Variants in VPS13B observed in about 807,000 individuals in gnomAD.
The protein encoded by VPS13B is vacuolar protein sorting 13 homolog B, also known as intermembrane lipid transfer protein VPS13B.
In VPS13B, 285 loss-of-function variants were observed where a neutral mutation model predicts 426.4. The observed-to-expected ratio is 0.67, with a 90% CI of 0.61 to 0.74. The LOEUF (loss-of-function observed/expected upper bound fraction) is 0.74, where lower values mean the gene tolerates loss of function less well. VPS13B is among the 30% of genes least tolerant of loss of function. The pLI is 0.00. For synonymous variants in VPS13B, 1,676 were observed against 1,676.4 expected (o/e 1.00, Z 0.01); for missense variants, 4,537 against 4,782.6 (o/e 0.95, Z 1.51).
chr8:99,135,448 C>A, intron 10 of VPS13B, 148 bp from the exon 11 acceptor site: 1 of 1,101,156 alleles, frequency 9.1e-7, no homozygotes, highest in Non-Finnish European at 1.3e-6. Flanking sequence ...GCAAAATAGT[C>A]AATGAAGGTG....
chr8:99,198,090 T>C (rs1354410730), intron 17 of VPS13B, among the ~76,000 whole-genome samples: 1 of 152,164 alleles, frequency 6.6e-6, no homozygotes, highest in Non-Finnish European at 1.5e-5. Context: ...AACGTTTTAA[T>C]TTGATGATTA....
intron 17 of VPS13B, among the ~76,000 whole-genome samples, chr8:99,269,098 A>T (rs899824519): frequency 1.3e-5 from 2 of 152,182 alleles, no homozygotes; most frequent in Non-Finnish European, 2.9e-5. Context: ...TCCCAGCCAC[A>T]TGGAACTGTG....
At chr8:99,631,015 T>G (rs1350443033) in intron 33 of VPS13B, among the ~76,000 whole-genome samples, 1 of 152,140 alleles carries the variant, frequency 6.6e-6, no homozygotes, top group Non-Finnish European at 1.5e-5. Flanking sequence ...GGTGATGTTT[T>G]TGGTAAAAGA....
chr8:99,379,519 A>G (rs999141959), intron 19 of VPS13B, among the ~76,000 whole-genome samples: 1 of 151,970 alleles, frequency 6.6e-6, no homozygotes, highest in Non-Finnish European at 1.5e-5. Context: ...TTATTTATTG[A>G]CTTCTTACTG....
At chr8:99,203,035 C>A (rs1405488908) in intron 17 of VPS13B, among the ~76,000 whole-genome samples, 1 of 101,520 alleles carries the variant, frequency 9.9e-6, no homozygotes. Flanking sequence ...GGCGACGGAG[C>A]GAGACTGTCT....
At chr8:99,570,509 A>G (rs143673210) in intron 31 of VPS13B, among the ~76,000 whole-genome samples, 2,772 of 151,806 alleles carry the variant, frequency 0.018, 51 homozygotes, top group Non-Finnish European at 0.028. Context: ...ATTTTTGGAA[A>G]TTCTCTTTGG....
chr8:99,737,039 T>C (rs921665843), intron 39 of VPS13B, among the ~76,000 whole-genome samples: 4 of 151,226 alleles, frequency 2.6e-5, no homozygotes, highest in African/African-American at 7.3e-5. Flanking sequence ...TATATACTTG[T>C]AGTTTAATGA....
intron 17 of VPS13B, among the ~76,000 whole-genome samples, chr8:99,207,167 A>C (rs1028615508): frequency 2.0e-5 from 3 of 152,148 alleles, no homozygotes; most frequent in Non-Finnish European, 4.4e-5. Context: ...CATTTATAGA[A>C]TATGTGGTCA....
intron 21 of VPS13B, among the ~76,000 whole-genome samples, chr8:99,405,819 C>T (rs1027330744): frequency 1.3e-5 from 2 of 151,126 alleles, no homozygotes; most frequent in East Asian, 1.9e-4. Flanking sequence ...TGCTCTGTCG[C>T]CCAGGCTGGA....
At chr8:99,399,968 A>G (rs1259571810) in intron 21 of VPS13B, among the ~76,000 whole-genome samples, 1 of 152,140 alleles carries the variant, frequency 6.6e-6, no homozygotes, top group African/African-American at 2.4e-5. Context: ...ATTTTTAAAA[A>G]ATTCTTGGTC....
At chr8:99,768,927 G>T (rs923063160) in intron 40 of VPS13B, among the ~76,000 whole-genome samples, 1 of 152,154 alleles carries the variant, frequency 6.6e-6, no homozygotes, top group Non-Finnish European at 1.5e-5. Flanking sequence ...TTCATTAATA[G>T]TATCAAGTTA....
chr8:99,189,237 C>T (rs1332936208), intron 16 of VPS13B, among the ~76,000 whole-genome samples: 1 of 152,216 alleles, frequency 6.6e-6, no homozygotes, highest in Non-Finnish European at 1.5e-5. Flanking sequence ...GCGTGAGCCA[C>T]CGCGCCCGGC....
intron 3 of VPS13B, among the ~76,000 whole-genome samples, chr8:99,094,892 A>T (rs1846340967): frequency 6.6e-6 from 1 of 152,056 alleles, no homozygotes; most frequent in Non-Finnish European, 1.5e-5. Flanking sequence ...ACTCTCAGCT[A>T]CCCTTTGTGT....
At chr8:99,623,698 T>C (rs1471410241) in intron 33 of VPS13B, among the ~76,000 whole-genome samples, 1 of 152,242 alleles carries the variant, frequency 6.6e-6, no homozygotes, top group Non-Finnish European at 1.5e-5. Flanking sequence ...GTGGTAGAAG[T>C]GGGAGATAAT....
chr8:99,095,492 A>C (rs998554060), intron 3 of VPS13B, among the ~76,000 whole-genome samples: 3 of 152,042 alleles, frequency 2.0e-5, no homozygotes, highest in Admixed American at 2.0e-4. Flanking sequence ...AAACAGAATG[A>C]CTCTTTTTAT....
chr8:99,337,239 C>T (rs1810951852), intron 19 of VPS13B, among the ~76,000 whole-genome samples: 1 of 151,814 alleles, frequency 6.6e-6, no homozygotes, highest in African/African-American at 2.4e-5. Context: ...TGGAAATCAT[C>T]ATTCTCAGTG....
At chr8:99,741,194 C>A (rs1375199482) in intron 39 of VPS13B, among the ~76,000 whole-genome samples, 2 of 152,144 alleles carry the variant, frequency 1.3e-5, no homozygotes, top group African/African-American at 2.4e-5. Context: ...ATAAAACAGA[C>A]TTTAAACCAA....
chr8:99,358,034 A>ACACC (rs1554751586), intron 19 of VPS13B, among the ~76,000 whole-genome samples: 1 of 148,314 alleles, frequency 6.7e-6, no homozygotes, highest in Non-Finnish European at 1.5e-5. Context: ...ACACACACAC[A>ACACC]CCACACACAC....
rs74935456 is a variant in VPS13B at position 99,756,302 on chromosome 8, A to C, written c.7051-10472A>C. On this transcript the variant is annotated intron_variant, in intron 39 of 61. Transcript: ENST00000357162. ...AAGTTAGGTTGTTTTGAGATTATTG[A>C]GTCTGAAGAACAGAAAATTTTAAAA... Among the ~76,000 whole-genome samples, 1,036 of 152,306 alleles carry C rather than the reference A, an allele frequency of 6.8e-3. 10 individuals are homozygous for C. The highest frequency in any genetic ancestry group is 0.024 in the African/African-American group (1,003 of 41,568).
Sources: allele counts gnomAD v4.1 joint callset (sites outside exome capture counted in the v4.1 genomes callset), GRCh38; gene constraint gnomAD v4.1.1; transcripts MANE v1.5; gene names NCBI Gene and HGNC (gene_info 2026-07-23, HGNC 2026-07-21).